LHFPL3: variants seen among roughly 807,000 people sequenced by gnomAD.
LHFPL3 encodes the protein LHFPL tetraspan subfamily member 3.
LHFPL3 carries 5 observed loss-of-function variants against 19.3 expected under a neutral mutation model. That is an observed-to-expected ratio of 0.26 (90% CI 0.14 to 0.54). The LOEUF is 0.54. Among genes scored for constraint, LHFPL3 ranks in the 20% least tolerant of loss-of-function variants. The pLI is 0.94. For missense variants in LHFPL3, 249 were observed against 307.4 expected (o/e 0.81, Z 1.42); for synonymous variants, 133 against 126.2 (o/e 1.05, Z -0.36).
intron 2 of LHFPL3, among the ~76,000 whole-genome samples, chr7:104,898,227 G>A (rs915344269): frequency 3.3e-5 from 5 of 151,756 alleles, no homozygotes; most frequent in Admixed American, 1.3e-4. Context: ...GGCTGGTCTC[G>A]AACTCCTGAC....
chr7:104,361,427 ATC>A (rs1233000783), intron 1 of LHFPL3, among the ~76,000 whole-genome samples: 1 of 152,182 alleles, frequency 6.6e-6, no homozygotes, highest in African/African-American at 2.4e-5. Flanking sequence ...CATCTGGAAA[ATC>A]TCTCATGACT....
chr7:104,659,589 G>A (rs1792185809), intron 1 of LHFPL3, among the ~76,000 whole-genome samples: 1 of 152,178 alleles, frequency 6.6e-6, no homozygotes, highest in African/African-American at 2.4e-5. Flanking sequence ...AGCAGGATTA[G>A]GGGAATGATT....
At chr7:104,720,850 G>A (rs1489632322) in intron 1 of LHFPL3, among the ~76,000 whole-genome samples, 4 of 152,102 alleles carry the variant, frequency 2.6e-5, no homozygotes, top group East Asian at 1.9e-4. Flanking sequence ...ACCATCTTAC[G>A]CCAGTTAGAA....
Position 104,399,056 on chromosome 7 carries a change from G to A in LHFPL3, c.445+69832G>A, listed in dbSNP as rs546163144. On this transcript the variant is annotated intron_variant, in intron 1 of 2. Transcript: ENST00000424859. The surrounding 1 kb of genome is among the most constrained non-coding windows in gnomAD (Gnocchi z 4.4). ...TAAGGACAGGCTTTATGGTTGGAGG[G>A]CAAACGCTAGTTTCCAGAAAGTTCC... Among the ~76,000 whole-genome samples, 9 of 152,146 alleles carry A rather than the reference G, an allele frequency of 5.9e-5. No individual in the cohort carries two copies. Among genetic ancestry groups the A allele is most frequent in the Non-Finnish European group, 1.3e-4 (9 of 68,026 alleles).
intron 1 of LHFPL3, among the ~76,000 whole-genome samples, chr7:104,555,804 C>G (rs1794752555): frequency 6.6e-6 from 1 of 152,194 alleles, no homozygotes; most frequent in Non-Finnish European, 1.5e-5. Context: ...CAAAGCAAGT[C>G]CCTTCCACCT....
chr7:104,381,296 C>A (rs1790823494), intron 1 of LHFPL3, among the ~76,000 whole-genome samples: 1 of 152,150 alleles, frequency 6.6e-6, no homozygotes, highest in South Asian at 2.1e-4. Context: ...AGACGTTAAA[C>A]AGGGTGACTC....
At chr7:104,571,393 G>C (rs1466100588) in intron 1 of LHFPL3, among the ~76,000 whole-genome samples, 1 of 152,036 alleles carries the variant, frequency 6.6e-6, no homozygotes, top group Non-Finnish European at 1.5e-5. Flanking sequence ...AAAGGATGAG[G>C]TGCGGGATAG....
intron 2 of LHFPL3, among the ~76,000 whole-genome samples, chr7:104,875,734 T>G (rs955764361): frequency 6.6e-6 from 1 of 152,236 alleles, no homozygotes; most frequent in East Asian, 1.9e-4. Context: ...AATAAAGAGA[T>G]AGGAGGATTC....
At chr7:104,865,805 A>G (rs1298869583) in intron 2 of LHFPL3, among the ~76,000 whole-genome samples, 2 of 152,220 alleles carry the variant, frequency 1.3e-5, no homozygotes, top group East Asian at 3.8e-4. Flanking sequence ...GAAGGAAAAA[A>G]TGTTAAGGGC....
chr7:104,391,128 G>A (rs1359239684), intron 1 of LHFPL3, among the ~76,000 whole-genome samples: 7 of 152,150 alleles, frequency 4.6e-5, no homozygotes, highest in African/African-American at 1.7e-4. Context: ...CTCCCATTCT[G>A]TAGTTTGCCT....
At chr7:104,785,390 C>G (rs1789893093) in intron 2 of LHFPL3, 1 of 152,154 alleles carries the variant, frequency 6.6e-6, no homozygotes, top group African/African-American at 2.4e-5. Context: ...TTAGTAGGCA[C>G]TCAATAAACC....
intron 2 of LHFPL3, among the ~76,000 whole-genome samples, chr7:104,886,921 C>T (rs1490574239): frequency 6.6e-6 from 1 of 152,178 alleles, no homozygotes; most frequent in Non-Finnish European, 1.5e-5. Context: ...CTCCCGGGGT[C>T]CCCGGGGTCC....
intron 1 of LHFPL3, among the ~76,000 whole-genome samples, chr7:104,493,554 T>C (rs1200837971): frequency 2.6e-5 from 4 of 152,140 alleles, no homozygotes; most frequent in East Asian, 1.9e-4. Flanking sequence ...TCCCCACTTA[T>C]GTCAGCCTCT....
chr7:104,609,277 A>G (rs1392298007), intron 1 of LHFPL3, among the ~76,000 whole-genome samples: 1 of 152,028 alleles, frequency 6.6e-6, no homozygotes, highest in Non-Finnish European at 1.5e-5. Flanking sequence ...AAAAAAGAAA[A>G]GAAAAAAAAA....
intron 2 of LHFPL3, among the ~76,000 whole-genome samples, chr7:104,888,218 C>T (rs1001008587): frequency 6.6e-6 from 1 of 152,156 alleles, no homozygotes; most frequent in Admixed American, 6.6e-5. Flanking sequence ...AAACAATAAA[C>T]ATTCTAATTA....
intron 1 of LHFPL3, among the ~76,000 whole-genome samples, chr7:104,714,872 G>A (rs770159109): frequency 3.6e-4 from 54 of 151,590 alleles, no homozygotes; most frequent in East Asian, 9.7e-4. Flanking sequence ...AGAGGGATGC[G>A]TTTGTGTGTG....
At chr7:104,757,681 T>C (rs1160236063) in intron 2 of LHFPL3, 3 of 152,408 alleles carry the variant, frequency 2.0e-5, no homozygotes, top group Non-Finnish European at 4.4e-5. Context: ...CAAATGGCCA[T>C]TAATAAAAAG....
intron 1 of LHFPL3, among the ~76,000 whole-genome samples, chr7:104,676,958 G>A (rs1193215899): frequency 6.6e-6 from 1 of 152,210 alleles, no homozygotes; most frequent in Non-Finnish European, 1.5e-5. Flanking sequence ...AAACATCCAC[G>A]TATGAGGTGG....
At chr7:104,435,276 G>C (rs1024460902) in intron 1 of LHFPL3, among the ~76,000 whole-genome samples, 5 of 152,044 alleles carry the variant, frequency 3.3e-5, no homozygotes, top group Non-Finnish European at 7.4e-5. Flanking sequence ...CCAAGTAGCT[G>C]GGACTGCAGG....
Sources: gnomAD v4.1 joint callset for allele counts (sites outside exome capture counted in the v4.1 genomes callset) on GRCh38, gnomAD v4.1.1 for gene constraint, Gnocchi (gnomAD v3.1) non-coding constraint, MANE v1.5 for transcripts, NCBI Gene and HGNC (gene_info 2026-07-23, HGNC 2026-07-21) for gene names.